Variants in COA1 observed in about 807,000 individuals in gnomAD.
The protein encoded by COA1 is cytochrome c oxidase assembly factor 1 homolog.
Under a neutral mutation model 16.0 loss-of-function variants are expected in COA1, and 13 were observed. The ratio of observed to expected loss-of-function variants is 0.81; its 90% CI spans 0.53 to 1.29. The LOEUF (loss-of-function observed/expected upper bound fraction) is 1.29, where lower values mean the gene tolerates loss of function less well. Ranked by LOEUF, COA1 falls within the 50% of genes most tolerant of loss-of-function variation. The pLI, the probability that COA1 is intolerant of heterozygous loss-of-function variation, is 0.00. For missense variants in COA1, 179 were observed against 177.0 expected (o/e 1.01, Z -0.06); for synonymous variants, 65 against 65.7 (o/e 0.99, Z 0.05).
intron 4 of COA1, among the ~76,000 whole-genome samples, chr7:43,645,036 G>C (rs1211999035): frequency 1.3e-5 from 2 of 152,006 alleles, no homozygotes; most frequent in Admixed American, 1.3e-4. Context: ...CCCCAGAATG[G>C]AAGAAAAGTA....
chr7:43,725,925 A>T (rs774321214), intron 1 of COA1, among the ~76,000 whole-genome samples: 2 of 151,476 alleles, frequency 1.3e-5, no homozygotes, highest in East Asian at 1.9e-4. Context: ...CAACAAAATT[A>T]AAAAAATACA....
chr7:43,624,221 T>C (rs1011586702), intron 6 of COA1, among the ~76,000 whole-genome samples: 3 of 152,174 alleles, frequency 2.0e-5, no homozygotes, highest in African/African-American at 7.2e-5. Flanking sequence ...TTAGTAGAAA[T>C]TGACAGTGAA....
chr7:43,629,405 A>G (rs1320573143), intron 6 of COA1, among the ~76,000 whole-genome samples: 3 of 152,336 alleles, frequency 2.0e-5, no homozygotes, highest in African/African-American at 7.2e-5. Flanking sequence ...TCCAATCCAT[A>G]AACATGTTTT....
At chr7:43,611,770 G>A (rs569540695) in intron 6 of COA1, among the ~76,000 whole-genome samples, 3 of 152,260 alleles carry the variant, frequency 2.0e-5, no homozygotes, top group South Asian at 4.1e-4. Flanking sequence ...TTGCAAAATC[G>A]TGTATCTGTT....
chr7:43,663,529 G>A (rs372214156), intron 1 of COA1, among the ~76,000 whole-genome samples: 2 of 151,236 alleles, frequency 1.3e-5, no homozygotes, highest in Non-Finnish European at 2.9e-5. Context: ...AAAAACTTAC[G>A]GGCTCGTGCC....
At chr7:43,625,236 G>A (rs1483370728) in intron 6 of COA1, 1 of 155,326 alleles carries the variant, frequency 6.4e-6, no homozygotes, top group South Asian at 2.0e-4. Context: ...TCTGCATAAT[G>A]TTTGTTAATG....
chr7:43,679,204 T>C (rs1014393680), intron 1 of COA1, among the ~76,000 whole-genome samples: 8 of 138,978 alleles, frequency 5.8e-5, no homozygotes, highest in African/African-American at 2.2e-4. Flanking sequence ...GAGGCGGAGG[T>C]TGCAGTGAGC....
At chr7:43,651,687 C>CT (rs1416204457) in intron 1 of COA1, among the ~76,000 whole-genome samples, 3 of 105,042 alleles carry the variant, frequency 2.9e-5, no homozygotes, top group African/African-American at 1.3e-4. Flanking sequence ...ACAGGAAGAG[C>CT]TTAAAAAAAA....
intron 1 of COA1, among the ~76,000 whole-genome samples, chr7:43,664,071 A>T (rs190267927): frequency 1.3e-3 from 178 of 139,646 alleles, no homozygotes; most frequent in African/African-American, 4.7e-3. Flanking sequence ...ATTTTTTTTA[A>T]AAAATGGAAT....
chr7:43,708,561 T>A (rs2095090138), intron 1 of COA1, among the ~76,000 whole-genome samples: 1 of 152,212 alleles, frequency 6.6e-6, no homozygotes, highest in South Asian at 2.1e-4. Context: ...GTAACAGTTA[T>A]ATGCCATTAT....
intron 1 of COA1, among the ~76,000 whole-genome samples, chr7:43,718,935 G>C (rs193271328): frequency 9.3e-4 from 141 of 151,432 alleles, no homozygotes; most frequent in African/African-American, 3.4e-3. Context: ...TCAACAGGGA[G>C]CAAGATTAGA....
intron 6 of COA1, among the ~76,000 whole-genome samples, chr7:43,616,795 G>A (rs2083393115): frequency 6.6e-6 from 1 of 152,192 alleles, no homozygotes; most frequent in South Asian, 2.1e-4. Flanking sequence ...TACTCGGGAG[G>A]CTGAGGCAGG....
intron 1 of COA1, among the ~76,000 whole-genome samples, chr7:43,679,289 C>T (rs1329635876): frequency 7.2e-6 from 1 of 138,502 alleles, no homozygotes; most frequent in African/African-American, 2.7e-5. Context: ...AAAAAAAATG[C>T]TAAATTTTAT....
At chr7:43,646,790 G>A (rs1164339099) in intron 3 of COA1, 1 of 319,086 alleles carries the variant, frequency 3.1e-6, no homozygotes, top group Non-Finnish European at 6.5e-6. Context: ...GGCTGGAGAG[G>A]ACACTGGAGC....
At chr7:43,663,101 T>G (rs2092596516) in intron 1 of COA1, among the ~76,000 whole-genome samples, 1 of 152,202 alleles carries the variant, frequency 6.6e-6, no homozygotes, top group Non-Finnish European at 1.5e-5. Flanking sequence ...CTTGGTGCTA[T>G]CTTCACAATA....
downstream of COA1, among the ~76,000 whole-genome samples, chr7:43,635,132 T>C (rs1218246526): frequency 6.6e-6 from 1 of 152,182 alleles, no homozygotes; most frequent in African/African-American, 2.4e-5. Context: ...TATATGCTTA[T>C]AAATATAACT....
chr7:43,700,083 T>C (rs1484555985), intron 1 of COA1, among the ~76,000 whole-genome samples: 14 of 152,098 alleles, frequency 9.2e-5, no homozygotes, highest in Admixed American at 8.5e-4. Context: ...AAATCAAGAC[T>C]GTACCAGCAA....
chr7:43,677,848 G>C (rs1233239049), intron 1 of COA1, among the ~76,000 whole-genome samples: 1 of 144,246 alleles, frequency 6.9e-6, no homozygotes, highest in East Asian at 2.0e-4. Context: ...CCTCTAACAA[G>C]TCTTTTAATA....
intron 1 of COA1, 112 bp from the exon 2 acceptor site, chr7:43,648,764 G>T (rs1014703815): frequency 4.0e-6 from 3 of 744,648 alleles, no homozygotes; most frequent in Non-Finnish European, 6.5e-6. Flanking sequence ...CGAACAAGAA[G>T]TTAAAATTAA....
Sources: gnomAD v4.1 joint callset for allele counts (sites outside exome capture counted in the v4.1 genomes callset) on GRCh38, gnomAD v4.1.1 for gene constraint, MANE v1.5 for transcripts, NCBI Gene and HGNC (gene_info 2026-07-23, HGNC 2026-07-21) for gene names.